KIFC3: variants seen among roughly 807,000 people sequenced by gnomAD.
The protein encoded by KIFC3 is kinesin family member C3, also known as kinesin-like protein KIFC3.
In KIFC3, 60 loss-of-function variants were observed where a neutral mutation model predicts 101.8. The ratio of observed to expected loss-of-function variants is 0.59; its 90% confidence interval spans 0.48 to 0.73. The LOEUF (loss-of-function observed/expected upper bound fraction) is 0.73. KIFC3 is among the 30% of genes least tolerant of loss of function. The pLI, the probability that KIFC3 is intolerant of heterozygous loss-of-function variation, is 0.00. For synonymous variants in KIFC3, 476 were observed against 482.7 expected, an observed-to-expected ratio of 0.99 and a Z score of 0.18; for missense variants, 966 against 1,137.1, an observed-to-expected ratio of 0.85 and a Z score of 2.16.
intron 3 of KIFC3, among the ~76,000 whole-genome samples, chr16:57,789,672 C>T (rs1046742704): frequency 7.9e-5 from 12 of 152,184 alleles, no homozygotes; most frequent in African/African-American, 2.7e-4. Context: ...TCATGTTGAA[C>T]CTCTTTGGCA....
upstream of KIFC3, chr16:57,802,608 C>G: frequency 9.8e-7 from 1 of 1,020,832 alleles, no homozygotes; most frequent in Non-Finnish European, 1.2e-6. The surrounding 1 kb of genome is among the most constrained non-coding windows in gnomAD (Gnocchi z 5.0). Context: ...CACTGGCGCG[C>G]ACGCGTCAGC....
intron 1 of KIFC3, among the ~76,000 whole-genome samples, chr16:57,822,437 C>T (rs1555630045): frequency 6.6e-6 from 1 of 152,172 alleles, no homozygotes; most frequent in Non-Finnish European, 1.5e-5. Context: ...CGCGGTGGCT[C>T]ACACCTGTAA....
intron 1 of KIFC3, among the ~76,000 whole-genome samples, chr16:57,847,541 T>G (rs1234461060): frequency 6.6e-6 from 1 of 151,860 alleles, no homozygotes; most frequent in Non-Finnish European, 1.5e-5. Context: ...GTTCCATGGA[T>G]AGAAAAAGAT....
chr16:57,839,903 C>G (rs2055768740), intron 1 of KIFC3, among the ~76,000 whole-genome samples: 1 of 152,078 alleles, frequency 6.6e-6, no homozygotes, highest in African/African-American at 2.4e-5. Flanking sequence ...TTTTCATCAC[C>G]ATCCATTTCC....
At chr16:57,862,729 C>T in exon 1 of KIFC3, 2 of 1,282,838 alleles carry the variant, frequency 1.6e-6, no homozygotes, top group African/African-American at 1.5e-5. Flanking sequence ...AGGCCCTTAC[C>T]TTGCACTGCT....
chr16:57,838,604 T>C (rs2055743720), intron 1 of KIFC3, among the ~76,000 whole-genome samples: 1 of 152,206 alleles, frequency 6.6e-6, no homozygotes, highest in Admixed American at 6.5e-5. Flanking sequence ...AATCTTTACG[T>C]GGAAAATATT....
chr16:57,790,851 CA>C, intron 3 of KIFC3: 1 of 920,686 alleles, frequency 1.1e-6, no homozygotes. Flanking sequence ...GTGACATCAG[CA>C]GGCTCCTTAG....
In KIFC3 at chr16:57,758,466, G is replaced by A. The variant is rs1272681253; in HGVS notation, c.*468C>T. The A allele has an allele frequency of 1.5e-5, 6 of 397,308 alleles. No homozygotes were observed. Among genetic ancestry groups the A allele is most frequent in the Non-Finnish European group, 2.9e-5 (6 of 207,288 alleles). 24.6% of individuals were successfully genotyped at this position (397,308 alleles called of 1,614,324 possible). ...CTCCTTGAAGGAGAGGGGCGGGGAG[G>A]GCTGCCATTGGTGCCACCAACCCAC... On this transcript the variant is annotated 3_prime_UTR_variant, in exon 20 of 20. Coordinates refer to ENST00000445690, the MANE Select transcript of KIFC3 (RefSeq NM_001130100.2).
At chr16:57,824,638 G>T (rs1371763831) in intron 1 of KIFC3, among the ~76,000 whole-genome samples, 2 of 152,108 alleles carry the variant, frequency 1.3e-5, no homozygotes, top group Non-Finnish European at 2.9e-5. Context: ...AACCAAGATG[G>T]TGCCCCTGCA....
chr16:57,798,750 C>A, intron 1 of KIFC3: 1 of 185,074 alleles, frequency 5.4e-6, no homozygotes, highest in Non-Finnish European at 1.1e-5. Flanking sequence ...AGTGAATGCT[C>A]TGAATATTAA....
chr16:57,788,100 G>A (rs1268556614), intron 3 of KIFC3, among the ~76,000 whole-genome samples: 1 of 152,216 alleles, frequency 6.6e-6, no homozygotes, highest in Non-Finnish European at 1.5e-5. Context: ...TGCCAGGGAA[G>A]AGCTGAGCCA....
intron 1 of KIFC3, among the ~76,000 whole-genome samples, chr16:57,821,130 TAA>T (rs35996609): frequency 1.4e-5 from 2 of 143,352 alleles, no homozygotes; most frequent in Non-Finnish European, 1.5e-5. Flanking sequence ...GCCTGTGTAT[TAA>T]AAAAAAAAAA....
At position 57,841,462 on chromosome 16, in the gene KIFC3, T is replaced by C. The variant is rs187004253; in HGVS notation, c.108+21267A>G. 3.5e-3 allele frequency among the ~76,000 whole-genome samples: 529 copies of C among 152,224 alleles called. 2 individuals are homozygous for C. The highest frequency in any genetic ancestry group is 6.2e-3 in the South Asian group (30 of 4,808). ...GGGTAGATCACTTGAGGCCAGGAGTTTGAGACCAGCCTGGGCAACATGGTG... is the reference window on the plus strand; with the variant it reads ...GGGTAGATCACTTGAGGCCAGGAGTCTGAGACCAGCCTGGGCAACATGGTG... On this transcript the variant is annotated intron_variant, in intron 1 of 2. Transcript: ENST00000563028.
intron 1 of KIFC3, among the ~76,000 whole-genome samples, chr16:57,858,021 T>G (rs1470683777): frequency 1.3e-5 from 2 of 151,980 alleles, no homozygotes; most frequent in Non-Finnish European, 2.9e-5. Context: ...TTTCACCACG[T>G]TGGCCAGGCT....
intron 1 of KIFC3, among the ~76,000 whole-genome samples, chr16:57,814,250 A>G (rs1177774403): frequency 1.3e-5 from 2 of 152,090 alleles, no homozygotes; most frequent in Admixed American, 6.6e-5. Context: ...TGTGAGGCCC[A>G]ATGGAAGCAT....
At chr16:57,847,207 G>A (rs1360745387) in intron 1 of KIFC3, among the ~76,000 whole-genome samples, 4 of 53,510 alleles carry the variant, frequency 7.5e-5, no homozygotes, top group Non-Finnish European at 1.3e-4. Context: ...AGGAAGGAAG[G>A]AAGGAAGGAA....
chr16:57,778,598 A>G (rs2052388056), intron 3 of KIFC3, among the ~76,000 whole-genome samples: 1 of 152,258 alleles, frequency 6.6e-6, no homozygotes, highest in Non-Finnish European at 1.5e-5. Flanking sequence ...AACCCAATTT[A>G]AGAATGAGCA....
At chr16:57,776,142 CCAGT>C in intron 3 of KIFC3, 5 of 985,416 alleles carry the variant, frequency 5.1e-6, no homozygotes, top group Non-Finnish European at 6.0e-6. Context: ...CCCACCAAGC[CCAGT>C]CAACGATCAT....
chr16:57,862,175 G>A (rs1347313322), intron 1 of KIFC3, among the ~76,000 whole-genome samples: 1 of 145,878 alleles, frequency 6.9e-6, no homozygotes, highest in African/African-American at 2.5e-5. Flanking sequence ...GGCTACAGGT[G>A]CTTACCACTA....
Sources: allele counts gnomAD v4.1 joint callset (sites outside exome capture counted in the v4.1 genomes callset), GRCh38; gene constraint gnomAD v4.1.1; non-coding constraint Gnocchi (gnomAD v3.1); transcripts MANE v1.5; gene names NCBI Gene and HGNC (gene_info 2026-07-23, HGNC 2026-07-21).